The following ESRRG variants were observed in gnomAD, a reference collection of about 807,000 sequenced individuals.
ESRRG encodes the protein estrogen related receptor gamma, also known as estrogen-related receptor gamma.
ESRRG carries 13 observed loss-of-function variants against 44.0 expected under a neutral mutation model. The ratio of observed to expected loss-of-function variants is 0.30; its 90% CI spans 0.19 to 0.47. The LOEUF (loss-of-function observed/expected upper bound fraction) is 0.47, where lower values mean the gene tolerates loss of function less well. ESRRG is among the 20% of genes least tolerant of loss of function. ESRRG has a pLI of 1.00. For synonymous variants in ESRRG, 215 were observed against 214.6 expected, an observed-to-expected ratio of 1.00 and a Z score of -0.02; for missense variants, 395 against 580.6, an observed-to-expected ratio of 0.68 and a Z score of 3.29.
chr1:216,881,532 AAGG>A (rs2096447761), intron 2 of ESRRG, among the ~76,000 whole-genome samples: 2 of 152,080 alleles, frequency 1.3e-5, no homozygotes, highest in Admixed American at 1.3e-4. Flanking sequence ...AGCTATACGA[AAGG>A]AGGAGTAAAG....
chr1:216,578,931 G>A (rs1338983377), intron 3 of ESRRG, among the ~76,000 whole-genome samples: 1 of 152,036 alleles, frequency 6.6e-6, no homozygotes, highest in Admixed American at 6.6e-5. Flanking sequence ...AGGAATGTAA[G>A]GTCTCATGGG....
chr1:217,135,318 A>G (rs1056860285), intron 1 of ESRRG, among the ~76,000 whole-genome samples: 3 of 152,136 alleles, frequency 2.0e-5, no homozygotes, highest in Non-Finnish European at 2.9e-5. Context: ...CTCCCACGTA[A>G]AGGCCAGTCT....
At chr1:216,861,521 CA>C (rs1420200575) in intron 2 of ESRRG, among the ~76,000 whole-genome samples, 1 of 151,288 alleles carries the variant, frequency 6.6e-6, no homozygotes, top group Non-Finnish European at 1.5e-5. Context: ...GTACTAAAAG[CA>C]AAAAAAATTT....
At chr1:217,106,942 C>A (rs2092605008) in intron 1 of ESRRG, among the ~76,000 whole-genome samples, 1 of 152,190 alleles carries the variant, frequency 6.6e-6, no homozygotes, top group Non-Finnish European at 1.5e-5. Flanking sequence ...CGGTCTCTCC[C>A]TTTCAGTTCG....
intron 2 of ESRRG, among the ~76,000 whole-genome samples, chr1:216,748,485 T>C (rs2091666510): frequency 6.6e-6 from 1 of 152,210 alleles, no homozygotes; most frequent in Admixed American, 6.5e-5. Context: ...GCCAAGAGTC[T>C]AAATATTAAT....
At position 216,711,625 on chromosome 1, in the gene ESRRG, G is replaced by A. The variant is rs115052596; in HGVS notation, c.56+11619C>T. Among the ~76,000 whole-genome samples the A allele has an allele frequency of 6.5e-3, 985 of 152,232 alleles. 10 individuals carry two copies. The highest frequency in any genetic ancestry group is 0.022 in the African/African-American group (928 of 41,544). Reference sequence around the variant, plus strand: ...AATTTTACATGGATTCTCAAAAGAAGCTAAGCAACCGCAGAAGACATATCA... The same window carrying A: ...AATTTTACATGGATTCTCAAAAGAAACTAAGCAACCGCAGAAGACATATCA... On this transcript the variant is annotated intron_variant, in intron 1 of 6. Transcript: ENST00000408911.
rs569234431 is a variant in ESRRG, at chr1:217,050,505, A to G, written c.-106+39002T>C. Among the ~76,000 whole-genome samples the G allele has an allele frequency of 5.9e-5, 9 of 152,310 alleles. No individual in the cohort carries two copies. In the South Asian group the frequency reaches 1.7e-3, roughly 28 times the overall value. ...CTTACCTGGAGGTTATTGGTGGAGA[A>G]GCCAAGCCTCTCCTCCTGTTCATAA... is the stretch of plus-strand genomic sequence containing the variant. On this transcript the variant is annotated intron_variant, in intron 1 of 7. Transcript: ENST00000359162.
chr1:217,057,011 G>T (rs2087250602), intron 1 of ESRRG, among the ~76,000 whole-genome samples: 1 of 152,094 alleles, frequency 6.6e-6, no homozygotes, highest in Non-Finnish European at 1.5e-5. Context: ...AGTACAAGGG[G>T]CACATGGGAA....
intron 2 of ESRRG, among the ~76,000 whole-genome samples, chr1:216,664,048 A>G (rs2073237979): frequency 6.6e-6 from 1 of 152,064 alleles, no homozygotes; most frequent in Non-Finnish European, 1.5e-5. Flanking sequence ...CTTTCTAAAA[A>G]CCTTGAATAT....
At chr1:217,107,203 TA>T (rs1039947828) in intron 1 of ESRRG, among the ~76,000 whole-genome samples, 2 of 152,194 alleles carry the variant, frequency 1.3e-5, no homozygotes, top group Admixed American at 1.3e-4. Flanking sequence ...TCAGAAAAAT[TA>T]AAGATAAGCA....
intron 2 of ESRRG, among the ~76,000 whole-genome samples, chr1:216,836,472 A>G (rs529682007): frequency 1.3e-5 from 2 of 152,246 alleles, no homozygotes; most frequent in South Asian, 4.1e-4. Flanking sequence ...TTTACTTTTT[A>G]CTGTTTTTCT....
intron 1 of ESRRG, among the ~76,000 whole-genome samples, chr1:216,712,150 G>A (rs12033378): frequency 0.14 from 21,356 of 152,044 alleles, 1,592 homozygotes; most frequent in East Asian, 0.27. Context: ...TTAAAGTCTT[G>A]GGTACATAGG....
At chr1:217,120,805 T>C (rs1447427782) in intron 1 of ESRRG, among the ~76,000 whole-genome samples, 1 of 152,250 alleles carries the variant, frequency 6.6e-6, no homozygotes, top group African/African-American at 2.4e-5. Context: ...GTAGGCCTCC[T>C]ATAATGGACT....
intron 5 of ESRRG, among the ~76,000 whole-genome samples, chr1:216,558,514 A>G (rs986798463): frequency 6.6e-6 from 1 of 152,174 alleles, no homozygotes; most frequent in African/African-American, 2.4e-5. Flanking sequence ...TGAACTTTTT[A>G]GATCACTTGG....
chr1:216,751,542 A>T (rs140883366), intron 2 of ESRRG, among the ~76,000 whole-genome samples: 163 of 152,014 alleles, frequency 1.1e-3, no homozygotes, highest in African/African-American at 3.8e-3. Flanking sequence ...TGTCCCTTTC[A>T]TCTGCCCTTT....
At chr1:217,129,077 A>T (rs576750445) in intron 1 of ESRRG, among the ~76,000 whole-genome samples, 1 of 152,324 alleles carries the variant, frequency 6.6e-6, no homozygotes, top group South Asian at 2.1e-4. Flanking sequence ...AAATACAAAT[A>T]TTTGCAAATC....
chr1:217,054,785 A>G (rs1469221999), intron 1 of ESRRG, among the ~76,000 whole-genome samples: 1 of 152,194 alleles, frequency 6.6e-6, no homozygotes, highest in African/African-American at 2.4e-5. Flanking sequence ...CAGATGAGAA[A>G]TCAATGTCAA....
intron 2 of ESRRG, among the ~76,000 whole-genome samples, chr1:216,849,430 C>T (rs745640627): frequency 1.3e-5 from 2 of 152,028 alleles, no homozygotes; most frequent in Non-Finnish European, 2.9e-5. Flanking sequence ...CATTATCTCT[C>T]GACATTTAAA....
At chr1:217,020,908 A>G (rs2080203454) in intron 1 of ESRRG, among the ~76,000 whole-genome samples, 1 of 152,184 alleles carries the variant, frequency 6.6e-6, no homozygotes, top group Non-Finnish European at 1.5e-5. Context: ...TTTTAAAGAT[A>G]CTTTGAGAAG....
Sources: allele counts gnomAD v4.1 joint callset (sites outside exome capture counted in the v4.1 genomes callset), GRCh38; gene constraint gnomAD v4.1.1; transcripts MANE v1.5; gene names NCBI Gene and HGNC (gene_info 2026-07-23, HGNC 2026-07-21).